The following SOX5 variants were observed in gnomAD, a reference collection of about 807,000 sequenced individuals.
SOX5 encodes the protein transcription factor SOX-5.
In SOX5, 9 loss-of-function variants were observed where a neutral mutation model predicts 92.0. The ratio of observed to expected loss-of-function variants is 0.10; its 90% CI spans 0.06 to 0.17. The LOEUF is 0.17. Ranked by LOEUF, SOX5 falls within the 10% of genes least tolerant of loss-of-function variation. The pLI, the probability that SOX5 is intolerant of heterozygous loss-of-function variation, is 1.00. For missense variants in SOX5, 642 were observed against 944.5 expected, an observed-to-expected ratio of 0.68 and a Z score of 4.20; for synonymous variants, 344 against 336.3, an observed-to-expected ratio of 1.02 and a Z score of -0.25.
chr12:24,327,177 C>G (rs762430625), intron 2 of SOX5, among the ~76,000 whole-genome samples: 6 of 152,114 alleles, frequency 3.9e-5, no homozygotes, highest in Non-Finnish European at 8.8e-5. Flanking sequence ...CTGCTCAGAA[C>G]TCATTTTCTG....
In SOX5 at chr12:23,561,306, G is replaced by A. The variant is rs139273923; in HGVS notation, c.1488+1952C>T. Among the ~76,000 whole-genome samples the A allele has an allele frequency of 3.2e-4, 49 of 152,276 alleles. No homozygotes were observed. The East Asian group carries it at 6.0e-3, about 19-fold the overall frequency. On this transcript the variant is annotated intron_variant, in intron 11 of 14. Coordinates refer to ENST00000451604, the MANE Select transcript of SOX5 (RefSeq NM_006940.6). ...TAAAGTATGACTGTGGAGATGGAACGAGAAGTGGCAATAAGGTCCCCTAAC... is the reference window on the plus strand; with the variant it reads ...TAAAGTATGACTGTGGAGATGGAACAAGAAGTGGCAATAAGGTCCCCTAAC...
chr12:24,185,983 A>G (rs920625667), intron 4 of SOX5, among the ~76,000 whole-genome samples: 2 of 152,168 alleles, frequency 1.3e-5, no homozygotes, highest in African/African-American at 2.4e-5. Context: ...GCTTCTTATT[A>G]TACTATGCTC....
intron 2 of SOX5, among the ~76,000 whole-genome samples, chr12:24,342,912 A>G (rs1378009448): frequency 6.6e-6 from 1 of 152,244 alleles, no homozygotes; most frequent in Non-Finnish European, 1.5e-5. Flanking sequence ...TCACTTCTCA[A>G]TAGCTATACT....
At chr12:23,798,506 G>A (rs10743481) in intron 3 of SOX5, among the ~76,000 whole-genome samples, 85,742 of 150,678 alleles carry the variant, frequency 0.57, 24,440 homozygotes, top group East Asian at 0.82. Context: ...AGTTACACAT[G>A]TATACTCATG....
intron 2 of SOX5, among the ~76,000 whole-genome samples, chr12:23,860,604 C>T (rs1229351160): frequency 1.3e-5 from 2 of 152,076 alleles, no homozygotes; most frequent in East Asian, 1.9e-4. Flanking sequence ...TTAAGAGATG[C>T]CATACAATCT....
At chr12:24,476,532 G>A (rs1240898422) in intron 1 of SOX5, among the ~76,000 whole-genome samples, 1 of 152,154 alleles carries the variant, frequency 6.6e-6, no homozygotes, top group Non-Finnish European at 1.5e-5. Context: ...TCCAACAGTA[G>A]AAATGGATGA....
intron 4 of SOX5, among the ~76,000 whole-genome samples, chr12:23,979,427 T>G (rs912985924): frequency 9.2e-5 from 14 of 152,050 alleles, no homozygotes; most frequent in Non-Finnish European, 2.1e-4. Context: ...TTTCACCATG[T>G]TGGTCAGGCT....
chr12:24,445,919 C>A (rs1372312671), intron 1 of SOX5, among the ~76,000 whole-genome samples: 3 of 152,086 alleles, frequency 2.0e-5, no homozygotes, highest in Non-Finnish European at 2.9e-5. Flanking sequence ...AACATATAAT[C>A]TGAAGGATAA....
chr12:24,325,115 C>T (rs1015624458), intron 2 of SOX5, among the ~76,000 whole-genome samples: 2 of 151,248 alleles, frequency 1.3e-5, no homozygotes, highest in African/African-American at 4.9e-5. Context: ...TACTTAATCT[C>T]AGCACTTTTC....
intron 12 of SOX5, among the ~76,000 whole-genome samples, chr12:23,543,954 G>A (rs1409801620): frequency 6.6e-6 from 1 of 152,164 alleles, no homozygotes; most frequent in East Asian, 1.9e-4. Flanking sequence ...GAAATTATAT[G>A]CTGACAAATG....
intron 1 of SOX5, among the ~76,000 whole-genome samples, chr12:24,418,022 G>T (rs1308623905): frequency 6.6e-6 from 1 of 151,804 alleles, no homozygotes; most frequent in East Asian, 1.9e-4. Flanking sequence ...AAAATCAGAG[G>T]AATTATTTCA....
chr12:23,709,766 ATAC>A (rs1202338028), intron 6 of SOX5, among the ~76,000 whole-genome samples: 5 of 152,208 alleles, frequency 3.3e-5, no homozygotes, highest in African/African-American at 1.2e-4. Flanking sequence ...CATACTGAAA[ATAC>A]TACATCAGGA....
intron 4 of SOX5, among the ~76,000 whole-genome samples, chr12:23,988,752 AT>A (rs1433698483): frequency 2.6e-5 from 4 of 152,158 alleles, no homozygotes; most frequent in Admixed American, 1.3e-4. Flanking sequence ...ATGGGTTTGG[AT>A]TCAAAAGGGA....
At chr12:23,762,420 G>A (rs979745634) in intron 3 of SOX5, 16 of 382,244 alleles carry the variant, frequency 4.2e-5, no homozygotes, top group African/African-American at 1.2e-4. Context: ...TAAAAAATTC[G>A]TAATATAACA....
At chr12:24,406,117 CCG>C (rs1323474257) in intron 1 of SOX5, among the ~76,000 whole-genome samples, 4 of 152,114 alleles carry the variant, frequency 2.6e-5, no homozygotes, top group Non-Finnish European at 5.9e-5. Flanking sequence ...GCAGCCTCTC[CCG>C]CCCATGAAGG....
At chr12:23,736,977 G>T (rs2093624183) in intron 5 of SOX5, among the ~76,000 whole-genome samples, 1 of 151,436 alleles carries the variant, frequency 6.6e-6, no homozygotes, top group African/African-American at 2.4e-5. Flanking sequence ...ACAGGCGTGA[G>T]CCACAGTGCC....
At chr12:24,398,495 A>G (rs1346193065) in intron 1 of SOX5, among the ~76,000 whole-genome samples, 3 of 152,156 alleles carry the variant, frequency 2.0e-5, no homozygotes, top group Non-Finnish European at 4.4e-5. Context: ...CAGAGTGAGA[A>G]CCTGTCCCCC....
At chr12:23,734,572 T>C (rs2093516246) in intron 6 of SOX5, 112 bp downstream of exon 6, 2 of 779,296 alleles carry the variant, frequency 2.6e-6, no homozygotes, top group Non-Finnish European at 4.1e-6. Flanking sequence ...ATGTCATGAA[T>C]TAGCTTGAAA....
At position 24,294,007 on chromosome 12, in the gene SOX5, C is replaced by A. The variant is rs12578104; in HGVS notation, c.-173-16695G>T. ...GTAAAGCACCATTTATAACATTATT[C>A]TGACAGCCTTAAGTCCTGGAAAAAA... On this transcript the variant is annotated intron_variant, in intron 2 of 4. Transcript: ENST00000446891. Among the ~76,000 whole-genome samples, 64 of 152,264 alleles carry A rather than the reference C, an allele frequency of 4.2e-4. No homozygotes were observed. In the East Asian group the frequency reaches 0.012, roughly 27 times the overall value.
Sources: gnomAD v4.1 joint callset for allele counts (sites outside exome capture counted in the v4.1 genomes callset) on GRCh38, gnomAD v4.1.1 for gene constraint, MANE v1.5 for transcripts, NCBI Gene and HGNC (gene_info 2026-07-23, HGNC 2026-07-21) for gene names.